Variants in SYK observed in about 807,000 individuals in gnomAD.
SYK encodes spleen associated tyrosine kinase.
SYK carries 16 observed loss-of-function variants against 77.8 expected under a neutral mutation model. The observed-to-expected ratio is 0.21, with a 90% CI of 0.14 to 0.31. SYK has a LOEUF of 0.31. Ranked by LOEUF, SYK falls within the 10% of genes least tolerant of loss-of-function variation. The pLI is 1.00. For missense variants in SYK, 529 were observed against 814.4 expected, an observed-to-expected ratio of 0.65 and a Z score of 4.26; for synonymous variants, 312 against 308.7, an observed-to-expected ratio of 1.01 and a Z score of -0.11.
chr9:90,834,301 A>C (rs1314531795), intron 1 of SYK, among the ~76,000 whole-genome samples: 2 of 151,310 alleles, frequency 1.3e-5, no homozygotes, highest in African/African-American at 2.5e-5. Context: ...TCCCTCTTCT[A>C]TTCAAAGTTC....
intron 1 of SYK, among the ~76,000 whole-genome samples, chr9:90,812,936 A>G (rs981462726): frequency 2.0e-5 from 3 of 152,170 alleles, no homozygotes; most frequent in Non-Finnish European, 4.4e-5. Context: ...TGCAACTGTA[A>G]GACTTGCAGG....
At chr9:90,861,536 T>C (rs1827262997) in intron 3 of SYK, among the ~76,000 whole-genome samples, 1 of 35,964 alleles carries the variant, frequency 2.8e-5, no homozygotes. Flanking sequence ...CAGCCCTGCC[T>C]CCCTTTCCTG....
chr9:90,867,163 C>T lies in SYK; in HGVS notation c.879C>T (p.Ile293=), dbSNP rs1216404819. Residue 293 remains isoleucine, a synonymous_variant, in exon 7 of 14, where the codon ATC becomes ATT. Coordinates refer to ENST00000375754, the MANE Select transcript of SYK (RefSeq NM_003177.7). ...TWSAGGIISR[I]KSYSFPKPGH... ...CAGCGGGTGGAATAATCTCAAGAAT[C>T]AAATCATACTCCTTCCCAAAGCCTG... 7 of 1,613,996 alleles carry T rather than the reference C, an allele frequency of 4.3e-6. No individual in the cohort carries two copies. The South Asian group carries it at 7.7e-5, about 18-fold the overall frequency.
chr9:90,861,379 C>T (rs1444660149), intron 3 of SYK, among the ~76,000 whole-genome samples: 7 of 152,218 alleles, frequency 4.6e-5, no homozygotes, highest in African/African-American at 1.7e-4. Flanking sequence ...TCAGCACGGC[C>T]AGCACAGCTC....
rs149349736 is a variant in SYK at position 90,811,886 on chromosome 9, A to T, written c.-42+9993A>T. On this transcript the variant is annotated intron_variant, in intron 1 of 13. Coordinates refer to ENST00000375754, the MANE Select transcript of SYK (RefSeq NM_003177.7). ...GGCTGCAGTGAGCTGAGATCATGCC[A>T]CTGCACACCAGCCTGGGTGACAGAG... Among the ~76,000 whole-genome samples, 3 of 150,624 alleles carry T rather than the reference A, an allele frequency of 2.0e-5. No individual in the cohort carries two copies. In the East Asian group the frequency reaches 5.9e-4, roughly 30 times the overall value.
Position 90,896,427 on chromosome 9 carries a change from T to C in SYK, c.*827T>C, listed in dbSNP as rs1018522041. On this transcript the variant is annotated 3_prime_UTR_variant, in exon 14 of 14. Coordinates refer to ENST00000375754, the MANE Select transcript of SYK (RefSeq NM_003177.7). Reference sequence around the variant, plus strand: ...AGAGGCCCATCCCCCAGCATCTCACTGAGGACAGCTTCAGGCTGCCTTCCT... The same window carrying C: ...AGAGGCCCATCCCCCAGCATCTCACCGAGGACAGCTTCAGGCTGCCTTCCT... 1.7e-5 allele frequency: 4 copies of C among 233,230 alleles called. No individual in the cohort carries two copies. The highest frequency in any genetic ancestry group is 6.6e-5 in the African/African-American group (3 of 45,376). 14.4% of individuals were successfully genotyped at this position (233,230 alleles called of 1,614,324 possible).
intron 1 of SYK, among the ~76,000 whole-genome samples, chr9:90,822,183 T>C (rs888084233): frequency 6.6e-6 from 1 of 152,254 alleles, no homozygotes; most frequent in Admixed American, 6.5e-5. Context: ...GAAATAATTT[T>C]TAAAAGCAAG....
intron 3 of SYK, among the ~76,000 whole-genome samples, chr9:90,848,876 C>A (rs1826704086): frequency 6.6e-6 from 1 of 152,228 alleles, no homozygotes; most frequent in Admixed American, 6.5e-5. Context: ...GGTCTTCTTT[C>A]TGCTGCGTGG....
At position 90,895,381 on chromosome 9, in the gene SYK, G is replaced by T. The variant is rs140571284; in HGVS notation, c.1836-147G>T. ...CCTTGTGGTCACCCTGGGGTGGGGG[G>T]CACAGGGACCACGCTGTGAGCTGCA... On this transcript the variant is annotated intron_variant, in intron 13 of 13. Coordinates refer to ENST00000375754, the MANE Select transcript of SYK (RefSeq NM_003177.7). This position sits in a 1 kb window ranked among gnomAD's most constrained non-coding sequence, Gnocchi z 4.4. 5.1e-4 allele frequency: 378 copies of T among 748,052 alleles called. 1 individual carries two copies. In the African/African-American group the frequency reaches 5.9e-3, roughly 12 times the overall value. The allele number at this position is 748,052 out of a possible 1,614,324, so 46.3% of individuals were successfully genotyped here. A position where few individuals can be genotyped will look rare whatever the true frequency, so the allele number is the denominator to read the frequency against.
chr9:90,867,108 C>T, intron 6 of SYK, 23 bp from the exon 7 acceptor site: 4 of 1,613,518 alleles, frequency 2.5e-6, no homozygotes, highest in Non-Finnish European at 3.4e-6. Context: ...TTTACTGTTC[C>T]TCTTTGCCGT....
chr9:90,813,372 G>A (rs559975798), intron 1 of SYK, among the ~76,000 whole-genome samples: 17 of 152,012 alleles, frequency 1.1e-4, no homozygotes, highest in Non-Finnish European at 2.1e-4. Context: ...TGGACTCATC[G>A]CCTGCCCCCA....
At chr9:90,879,386 G>C (rs777648809) in intron 11 of SYK, among the ~76,000 whole-genome samples, 22 of 152,284 alleles carry the variant, frequency 1.4e-4, no homozygotes, top group Non-Finnish European at 3.1e-4. Context: ...TTCATCCATG[G>C]CATCCTTTTC....
intron 7 of SYK, among the ~76,000 whole-genome samples, chr9:90,873,211 C>G (rs899286207): frequency 6.6e-6 from 1 of 152,138 alleles, no homozygotes; most frequent in Non-Finnish European, 1.5e-5. Flanking sequence ...AGATAAGTGA[C>G]TGTCACGTTA....
chr9:90,836,296 A>T (rs1459085698), intron 1 of SYK, among the ~76,000 whole-genome samples: 2 of 152,112 alleles, frequency 1.3e-5, no homozygotes, highest in Non-Finnish European at 2.9e-5. Context: ...CAAAAAAAAA[A>T]AAAAAAAGTT....
At chr9:90,825,250 T>C (rs1222153157) in intron 1 of SYK, among the ~76,000 whole-genome samples, 1 of 152,194 alleles carries the variant, frequency 6.6e-6, no homozygotes, top group Non-Finnish European at 1.5e-5. Flanking sequence ...AAGTAGTCCA[T>C]GTTCGTACAT....
rs913476127 is a variant in SYK, at chr9:90,896,310, C to G, written c.*710C>G. On this transcript the variant is annotated 3_prime_UTR_variant, in exon 14 of 14. Coordinates refer to ENST00000375754, the MANE Select transcript of SYK (RefSeq NM_003177.7). ...CATGAGAATGAATTGGCTTGGCTTA[C>G]TTTCCCCCTGAAATCCTCTCTCCTG... 1 of 233,058 alleles carries G rather than the reference C, an allele frequency of 4.3e-6. No individual in the cohort carries two copies. Among genetic ancestry groups the G allele is most frequent in the Non-Finnish European group, 8.5e-6 (1 of 118,010 alleles). The allele number at this position is 233,058 out of a possible 1,614,324, so 14.4% of individuals were successfully genotyped here.
At chr9:90,861,829 G>A (rs549154361) in intron 3 of SYK, among the ~76,000 whole-genome samples, 67 of 152,330 alleles carry the variant, frequency 4.4e-4, no homozygotes, top group Middle Eastern at 3.4e-3. Context: ...GTGCTCCACA[G>A]ATAATCAGGG....
At chr9:90,809,045 C>G (rs1824967254) in intron 1 of SYK, among the ~76,000 whole-genome samples, 3 of 152,212 alleles carry the variant, frequency 2.0e-5, no homozygotes, top group African/African-American at 7.2e-5. Context: ...AAGGCCACCA[C>G]TTCCTTTTGG....
At chr9:90,860,620 A>T (rs965915885) in intron 3 of SYK, among the ~76,000 whole-genome samples, 1 of 152,108 alleles carries the variant, frequency 6.6e-6, no homozygotes, top group Non-Finnish European at 1.5e-5. Context: ...GAGAACCTAG[A>T]TATGTGTCCT....
Sources: gnomAD v4.1 joint callset for allele counts (sites outside exome capture counted in the v4.1 genomes callset) on GRCh38, gnomAD v4.1.1 for gene constraint, Gnocchi (gnomAD v3.1) non-coding constraint, MANE v1.5 for transcripts, NCBI Gene and HGNC (gene_info 2026-07-23, HGNC 2026-07-21) for gene names.